The following ZFP82 variants were observed in gnomAD, a reference collection of about 807,000 sequenced individuals.
The protein encoded by ZFP82 is zinc finger protein 82 homolog.
In ZFP82, 30 loss-of-function variants were observed where a neutral mutation model predicts 54.0. The ratio of observed to expected loss-of-function variants is 0.56; its 90% CI spans 0.42 to 0.75. The LOEUF (loss-of-function observed/expected upper bound fraction) is 0.75, where lower values mean the gene tolerates loss of function less well. Among genes scored for constraint, ZFP82 ranks in the 30% least tolerant of loss-of-function variants. ZFP82 has a pLI of 0.00. For missense variants in ZFP82, 500 were observed against 636.8 expected, an observed-to-expected ratio of 0.79 and a Z score of 2.31; for synonymous variants, 194 against 209.5, an observed-to-expected ratio of 0.93 and a Z score of 0.64.
At chr19:36,410,431 G>GTA (rs10660107) in intron 1 of ZFP82, among the ~76,000 whole-genome samples, 30,311 of 123,622 alleles carry the variant, frequency 0.25, 3,044 homozygotes, top group Admixed American at 0.28. Context: ...TGTTATATAT[G>GTA]TATGTGTGTG....
intron 4 of ZFP82, among the ~76,000 whole-genome samples, chr19:36,401,684 C>T (rs544576644): frequency 2.0e-5 from 3 of 152,338 alleles, no homozygotes; most frequent in Non-Finnish European, 4.4e-5. Flanking sequence ...AGAATACAAG[C>T]AGCCCGTGGC....
chr19:36,408,905 G>A (rs1309091812), intron 2 of ZFP82, among the ~76,000 whole-genome samples: 1 of 152,120 alleles, frequency 6.6e-6, no homozygotes, highest in African/African-American at 2.4e-5. Flanking sequence ...AGATATTTTG[G>A]TTGGACAAAA....
At chr19:36,417,884 G>T (rs903090259) in intron 1 of ZFP82, among the ~76,000 whole-genome samples, 2 of 152,118 alleles carry the variant, frequency 1.3e-5, no homozygotes, top group Non-Finnish European at 2.9e-5. Context: ...AAGCCTGGGC[G>T]GGAGCGGGGG....
chr19:36,418,132 G>A (rs899647345), intron 1 of ZFP82, among the ~76,000 whole-genome samples: 3 of 151,922 alleles, frequency 2.0e-5, no homozygotes, highest in African/African-American at 7.3e-5. Context: ...TGCCCAGGCT[G>A]GTCTCGAACT....
At chr19:36,395,903 GTTTGTTT>G (rs2032285030) in intron 4 of ZFP82, 1 of 152,112 alleles carries the variant, frequency 6.6e-6, no homozygotes, top group South Asian at 2.1e-4. Context: ...TTGCTTGTTT[GTTTGTTT>G]TTTGAGACAG....
At chr19:36,409,972 G>T in intron 1 of ZFP82, 105 bp from the exon 2 acceptor site, 1 of 601,324 alleles carries the variant, frequency 1.7e-6, no homozygotes, top group East Asian at 2.8e-5. Flanking sequence ...CTCCACCACA[G>T]CTCCTCCAAC....
At position 36,403,598 on chromosome 19, in the gene ZFP82, C is replaced by T. The variant is rs551371725; in HGVS notation, c.229+1982G>A. On this transcript the variant is annotated intron_variant, in intron 4 of 4. Transcript: ENST00000392161. The stretch of plus-strand genomic sequence containing the variant: ...TCACGCCACTGCACTCCAGCCTGGG[C>T]GACAGAGCGAGACTCCGTCGCAAGA... 1.2e-3 allele frequency among the ~76,000 whole-genome samples: 157 copies of T among 130,886 alleles called. 1 individual carries two copies. Among genetic ancestry groups the T allele is most frequent in the African/African-American group, 3.7e-3 (124 of 33,484 alleles). 85.9% of individuals were successfully genotyped at this position (130,886 alleles called of 152,430 possible). A position where few individuals can be genotyped will look rare whatever the true frequency, so the allele number is the denominator to read the frequency against.
intron 2 of ZFP82, among the ~76,000 whole-genome samples, chr19:36,408,645 C>T (rs1423143210): frequency 6.6e-6 from 1 of 152,062 alleles, no homozygotes; most frequent in African/African-American, 2.4e-5. Context: ...CAGGAGAACC[C>T]TTGTTTCTAC....
downstream of ZFP82, among the ~76,000 whole-genome samples, chr19:36,386,638 T>A (rs1438871637): frequency 6.6e-6 from 1 of 152,176 alleles, no homozygotes; most frequent in East Asian, 1.9e-4. Context: ...TCTGGAGCCT[T>A]AAGAGTTAAT....
At chr19:36,404,667 T>C (rs2032449156) in intron 4 of ZFP82, among the ~76,000 whole-genome samples, 1 of 152,220 alleles carries the variant, frequency 6.6e-6, no homozygotes, top group Non-Finnish European at 1.5e-5. Flanking sequence ...TGAGTATTCA[T>C]AGCTCCTCCT....
intron 4 of ZFP82, among the ~76,000 whole-genome samples, chr19:36,400,924 T>C (rs1600102641): frequency 6.6e-6 from 1 of 152,310 alleles, no homozygotes; most frequent in East Asian, 1.9e-4. Flanking sequence ...CTGACTCCAT[T>C]GAAAATCTTT....
Position 36,393,264 on chromosome 19 carries a change from A to G in ZFP82, c.1076T>C (p.Ile359Thr). ...TTCATAGGGTTTCTCACCAGTATGA[A>G]TTCTCTGATGGAGTGTTAGTTGTTG... is the stretch of plus-strand genomic sequence containing the variant. ...VRQQLTLHQR[I>T]HTGEKPYECK... Residue 359 changes from isoleucine (I) to threonine (T), a missense_variant, in exon 5 of 5, where the codon ATT (isoleucine) becomes ACT (threonine). Transcript: ENST00000392161. 1 of 1,613,934 alleles carries G rather than the reference A, an allele frequency of 6.2e-7. No homozygotes were observed. The highest frequency in any genetic ancestry group is 1.1e-5 in the South Asian group (1 of 91,060).
At chr19:36,415,495 C>A (rs533923602) in intron 1 of ZFP82, among the ~76,000 whole-genome samples, 1 of 152,060 alleles carries the variant, frequency 6.6e-6, no homozygotes, top group Non-Finnish European at 1.5e-5. Context: ...TCAAGCAATT[C>A]TTCTGCCTCA....
chr19:36,412,309 C>T (rs1247379294), intron 1 of ZFP82, among the ~76,000 whole-genome samples: 1 of 152,154 alleles, frequency 6.6e-6, no homozygotes, highest in African/African-American at 2.4e-5. Flanking sequence ...CATAATTCTA[C>T]ATGACCATAT....
Position 36,414,364 on chromosome 19 carries a change from CT to C in ZFP82, c.-79+4127del, listed in dbSNP as rs1233064068. Among the ~76,000 whole-genome samples the C allele has an allele frequency of 1.3e-3, 168 of 130,952 alleles. 1 individual carries two copies. Among genetic ancestry groups the C allele is most frequent in the African/African-American group, 2.3e-3 (81 of 35,878 alleles). The allele number at this position is 130,952 out of a possible 152,430, so 85.9% of individuals were successfully genotyped here. The stretch of plus-strand genomic sequence containing the variant: ...AACTAGGCTTGAAAATGTAATTCTA[CT>C]TTTTTTTTTTTTTTTTTGAGACACA... On this transcript the variant is annotated intron_variant, in intron 1 of 4. Coordinates refer to ENST00000392161, the MANE Select transcript of ZFP82 (RefSeq NM_133466.4).
intron 3 of ZFP82, among the ~76,000 whole-genome samples, chr19:36,407,341 G>A (rs1349681799): frequency 6.6e-6 from 1 of 152,048 alleles, no homozygotes; most frequent in African/African-American, 2.4e-5. Flanking sequence ...CTCCCAAAGT[G>A]CTGGGATTAC....
Position 36,393,213 on chromosome 19 carries a change from C to A in ZFP82, c.1127G>T (p.Ser376Ile). 6.2e-7 allele frequency: 1 copy of A among 1,614,052 alleles called. No homozygotes were observed. Among genetic ancestry groups the A allele is most frequent in the Non-Finnish European group, 8.5e-7 (1 of 1,179,996 alleles). ...YECKECGKTF[S>I]RGYHLILHHR... is the part of the protein sequence containing the mutation. ...ATGGAGAATAAGATGATAACCACGG[C>A]TAAAGGTCTTTCCACATTCCTTACA... The change falls in exon 5 of 5, where the codon AGC becomes ATC. Residue 376 changes from serine (S) to isoleucine (I), a missense_variant. Transcript: ENST00000392161.
intron 2 of ZFP82, among the ~76,000 whole-genome samples, chr19:36,408,400 T>A (rs1367413619): frequency 1.3e-5 from 2 of 152,166 alleles, no homozygotes; most frequent in Non-Finnish European, 1.5e-5. Flanking sequence ...GATTTTTTTT[T>A]AAAGTCTCCC....
At position 36,393,220 on chromosome 19, in the gene ZFP82, T is replaced by C. The variant is rs865800807; in HGVS notation, c.1120A>G (p.Thr374Ala). The C allele has an allele frequency of 8.7e-6, 14 of 1,612,556 alleles. No homozygotes were observed. Among genetic ancestry groups the C allele is most frequent in the Non-Finnish European group, 1.2e-5 (14 of 1,179,680 alleles). Residue 374 changes from threonine (T) to alanine (A), a missense_variant, in exon 5 of 5, where the codon ACC becomes GCC. Thr to Ala is a moderately conservative substitution (Grantham distance 58). Transcript: ENST00000392161. ...KPYECKECGK[T>A]FSRGYHLILH... The stretch of plus-strand genomic sequence containing the variant: ...ATAAGATGATAACCACGGCTAAAGG[T>C]CTTTCCACATTCCTTACATTCATAG...
Sources: gnomAD v4.1 joint callset for allele counts (sites outside exome capture counted in the v4.1 genomes callset) on GRCh38, gnomAD v4.1.1 for gene constraint, MANE v1.5 for transcripts, NCBI Gene and HGNC (gene_info 2026-07-23, HGNC 2026-07-21) for gene names.